The following PUS10 variants were observed in gnomAD, a reference collection of about 807,000 sequenced individuals.
The protein encoded by PUS10 is tRNA pseudouridine synthase Pus10.
In PUS10, 59 loss-of-function variants were observed where a neutral mutation model predicts 75.0. The ratio of observed to expected loss-of-function variants is 0.79; its 90% CI spans 0.64 to 0.98. The LOEUF (loss-of-function observed/expected upper bound fraction) is 0.98, where lower values mean the gene tolerates loss of function less well. Among genes scored for constraint, PUS10 ranks in the 50% least tolerant of loss-of-function variants. The pLI is 0.00. For synonymous variants in PUS10, 219 were observed against 211.6 expected, an observed-to-expected ratio of 1.03 and a Z score of -0.30; for missense variants, 650 against 614.4, an observed-to-expected ratio of 1.06 and a Z score of -0.61.
intron 4 of PUS10, among the ~76,000 whole-genome samples, chr2:60,994,827 G>A (rs911725502): frequency 8.5e-5 from 13 of 152,252 alleles, no homozygotes; most frequent in South Asian, 2.1e-4. Flanking sequence ...AGTGGCTCAC[G>A]CCTATAATCC....
intron 16 of PUS10, 36 bp from the exon 17 acceptor site, chr2:60,945,144 G>A: frequency 7.6e-7 from 1 of 1,313,432 alleles, no homozygotes; most frequent in Non-Finnish European, 1.1e-6. Flanking sequence ...AAGACAGCAT[G>A]CTGTACCAAC....
chr2:60,954,833 C>A (rs1227596550), intron 12 of PUS10, among the ~76,000 whole-genome samples, 185 bp downstream of exon 12: 3 of 152,164 alleles, frequency 2.0e-5, no homozygotes, highest in African/African-American at 7.2e-5. Flanking sequence ...AGAAATGATT[C>A]CTGTTAAGGT....
At chr2:60,980,168 T>C (rs1470923910) in intron 4 of PUS10, among the ~76,000 whole-genome samples, 1 of 152,174 alleles carries the variant, frequency 6.6e-6, no homozygotes, top group African/African-American at 2.4e-5. Context: ...TAGTGTCATA[T>C]GAAAATGAGA....
intron 16 of PUS10, among the ~76,000 whole-genome samples, chr2:60,946,003 C>T (rs1035357928): frequency 6.6e-6 from 1 of 152,166 alleles, no homozygotes; most frequent in South Asian, 2.1e-4. Flanking sequence ...TATGTCCTCA[C>T]TTTCTGAACG....
chr2:60,996,790 A>G (rs1678494640), intron 4 of PUS10, among the ~76,000 whole-genome samples: 1 of 152,156 alleles, frequency 6.6e-6, no homozygotes, highest in African/African-American at 2.4e-5. Flanking sequence ...AATTGCCCAT[A>G]GCATATCTTC....
intron 1 of PUS10, among the ~76,000 whole-genome samples, chr2:61,014,782 G>A (rs1573535094): frequency 6.6e-6 from 1 of 152,130 alleles, no homozygotes; most frequent in Admixed American, 6.5e-5. Flanking sequence ...ATTTGTGGAA[G>A]GGTGAAGCTC....
chr2:61,005,626 T>C (rs1277467938), intron 4 of PUS10, among the ~76,000 whole-genome samples: 1 of 152,240 alleles, frequency 6.6e-6, no homozygotes, highest in Non-Finnish European at 1.5e-5. Context: ...GAGAAATGCT[T>C]TGATGATTGA....
At chr2:60,955,666 A>C (rs1281766415) in intron 11 of PUS10, among the ~76,000 whole-genome samples, 1 of 152,178 alleles carries the variant, frequency 6.6e-6, no homozygotes, top group Non-Finnish European at 1.5e-5. Flanking sequence ...CTTATAAAGT[A>C]GGTATAAAAT....
chr2:60,944,665 C>A (rs1356066800), intron 17 of PUS10, among the ~76,000 whole-genome samples: 1 of 152,102 alleles, frequency 6.6e-6, no homozygotes, highest in Admixed American at 6.6e-5. Context: ...CACTTTCTAC[C>A]CTTGTGAATC....
At chr2:60,960,540 G>T in intron 10 of PUS10, 23 bp from the exon 11 acceptor site, 1 of 1,556,782 alleles carries the variant, frequency 6.4e-7, no homozygotes, top group Non-Finnish European at 8.6e-7. Flanking sequence ...TAATCAGATA[G>T]CCTGGATGGA....
At chr2:60,975,576 T>C (rs1164499259) in intron 4 of PUS10, among the ~76,000 whole-genome samples, 1 of 151,960 alleles carries the variant, frequency 6.6e-6, no homozygotes, top group Non-Finnish European at 1.5e-5. Context: ...AATTTAAACT[T>C]TTCTGGATGC....
At chr2:60,986,829 GCT>G (rs1480601754) in intron 4 of PUS10, among the ~76,000 whole-genome samples, 5 of 152,184 alleles carry the variant, frequency 3.3e-5, no homozygotes, top group Admixed American at 6.5e-5. Flanking sequence ...CTGGGTTCAA[GCT>G]CTCTCTCCTA....
At chr2:60,953,444 C>T (rs1203568642) in intron 14 of PUS10, among the ~76,000 whole-genome samples, 4 of 152,188 alleles carry the variant, frequency 2.6e-5, no homozygotes, top group African/African-American at 7.2e-5. Flanking sequence ...TCATACAGTA[C>T]GTGGTGCTTG....
At chr2:60,996,339 T>C (rs1678457353) in intron 4 of PUS10, among the ~76,000 whole-genome samples, 1 of 152,210 alleles carries the variant, frequency 6.6e-6, no homozygotes, top group African/African-American at 2.4e-5. Context: ...TCACTCACTC[T>C]TTCTCCCTTG....
intron 16 of PUS10, among the ~76,000 whole-genome samples, chr2:60,946,977 A>G (rs1032373576): frequency 6.6e-6 from 1 of 152,242 alleles, no homozygotes; most frequent in Admixed American, 6.5e-5. Flanking sequence ...AAAACTAGGA[A>G]GACCTTCAAA....
At position 60,940,303 on chromosome 2, in the gene PUS10, C is replaced by A. The variant is rs904929963; in HGVS notation, c.*2092G>T. 6.6e-6 allele frequency: 1 copy of A among 152,232 alleles called. No homozygotes were observed. The highest frequency in any genetic ancestry group is 2.1e-4 in the South Asian group (1 of 4,826). The allele number at this position is 152,232 out of a possible 1,614,324, so 9.4% of individuals were successfully genotyped here. On this transcript the variant is annotated 3_prime_UTR_variant, in exon 18 of 18. Coordinates refer to ENST00000316752, the MANE Select transcript of PUS10 (RefSeq NM_144709.4). ...TGTTTTTCCTAAAATAAACCACAGA[C>A]TATATTTGGGACTATATAAGAGATA...
intron 4 of PUS10, among the ~76,000 whole-genome samples, chr2:60,994,384 CAA>C (rs35312310): frequency 8.8e-5 from 12 of 136,284 alleles, no homozygotes; most frequent in Admixed American, 2.2e-4. Flanking sequence ...TTCCTCAGAG[CAA>C]AAAAAAAAAA....
chr2:60,985,402 T>C (rs922599324), intron 4 of PUS10, among the ~76,000 whole-genome samples: 1 of 152,208 alleles, frequency 6.6e-6, no homozygotes, highest in Non-Finnish European at 1.5e-5. Context: ...AAACAGTTTC[T>C]ATTTTTGGGA....
At chr2:60,956,212 C>T (rs1257811193) in intron 11 of PUS10, among the ~76,000 whole-genome samples, 3 of 152,180 alleles carry the variant, frequency 2.0e-5, no homozygotes, top group African/African-American at 2.4e-5. Context: ...TCTGTGTTTA[C>T]ACTCCAGTGT....
Sources: gnomAD v4.1 joint callset for allele counts (sites outside exome capture counted in the v4.1 genomes callset) on GRCh38, gnomAD v4.1.1 for gene constraint, MANE v1.5 for transcripts, NCBI Gene and HGNC (gene_info 2026-07-23, HGNC 2026-07-21) for gene names.